Variants in MACROD2 observed in about 807,000 individuals in gnomAD.
MACROD2 encodes the protein ADP-ribose glycohydrolase MACROD2.
MACROD2 carries 36 observed loss-of-function variants against 70.4 expected under a neutral mutation model. The observed-to-expected ratio is 0.51, with a 90% CI of 0.39 to 0.68. The LOEUF (loss-of-function observed/expected upper bound fraction) is 0.68, where lower values mean the gene tolerates loss of function less well. MACROD2 is among the 30% of genes least tolerant of loss of function. MACROD2 has a pLI of 0.00. For missense variants in MACROD2, 496 were observed against 538.4 expected (o/e 0.92, Z 0.78); for synonymous variants, 172 against 178.8 (o/e 0.96, Z 0.30).
chr20:15,070,600 C>A (rs573578293), intron 5 of MACROD2, among the ~76,000 whole-genome samples: 2 of 152,234 alleles, frequency 1.3e-5, no homozygotes, highest in South Asian at 2.1e-4. Flanking sequence ...GCAAGAGTTA[C>A]TTGTTTAAAA....
rs1328136702 is a variant in MACROD2, at chr20:15,842,724, A to AGATAGATAGATG, written c.646-20010_646-20009insGGATAGATAGAT. 5.4e-3 allele frequency among the ~76,000 whole-genome samples: 194 copies of AGATAGATAGATG among 35,696 alleles called. 1 individual carries two copies. Among genetic ancestry groups the AGATAGATAGATG allele is most frequent in the African/African-American group, 0.034 (184 of 5,432 alleles). 23.4% of individuals were successfully genotyped at this position (35,696 alleles called of 152,430 possible). The stretch of plus-strand genomic sequence containing the variant: ...GGGGTGGGTGGATGGATAGATAGAT[A>AGATAGATAGATG]GATAGATAGATAGATAGATAGAGAA... On this transcript the variant is annotated intron_variant, in intron 8 of 17. Transcript: ENST00000684519.
At chr20:14,306,720 A>G (rs753065332) in intron 3 of MACROD2, among the ~76,000 whole-genome samples, 1 of 152,052 alleles carries the variant, frequency 6.6e-6, no homozygotes, top group Non-Finnish European at 1.5e-5. Context: ...CTAGGATCTT[A>G]AAAATAGAGA....
intron 3 of MACROD2, among the ~76,000 whole-genome samples, chr20:14,307,078 T>C (rs1209593272): frequency 6.6e-6 from 1 of 151,818 alleles, no homozygotes; most frequent in Non-Finnish European, 1.5e-5. Context: ...ATGAATTTTA[T>C]TAGTCAGAGA....
chr20:14,277,507 G>A (rs2082269946), intron 3 of MACROD2, among the ~76,000 whole-genome samples: 1 of 152,048 alleles, frequency 6.6e-6, no homozygotes, highest in Non-Finnish European at 1.5e-5. Context: ...TTTACTTGAT[G>A]GTTTAAAGGT....
intron 3 of MACROD2, among the ~76,000 whole-genome samples, chr20:14,409,314 A>C (rs2083724450): frequency 6.6e-6 from 1 of 152,038 alleles, no homozygotes; most frequent in Admixed American, 6.6e-5. Flanking sequence ...TGGTATCCCT[A>C]CAACTGTACT....
At chr20:14,428,041 G>A (rs996896295) in intron 3 of MACROD2, among the ~76,000 whole-genome samples, 1 of 152,220 alleles carries the variant, frequency 6.6e-6, no homozygotes. Context: ...TATTGAAAAT[G>A]TTAGTAAAAT....
intron 8 of MACROD2, among the ~76,000 whole-genome samples, chr20:15,724,014 A>G (rs181023758): frequency 8.0e-4 from 122 of 152,206 alleles, no homozygotes; most frequent in African/African-American, 2.7e-3. Context: ...ATTTTATTTC[A>G]TATTTACCTG....
At chr20:16,044,741 G>GC in intron 17 of MACROD2, 102 bp downstream of exon 17, 1 of 1,015,812 alleles carries the variant, frequency 9.8e-7, no homozygotes, top group Non-Finnish European at 1.5e-6. Flanking sequence ...AGTCCCCACA[G>GC]CATGGCTTGG....
At chr20:15,793,584 A>G (rs1016055867) in intron 8 of MACROD2, among the ~76,000 whole-genome samples, 13 of 151,942 alleles carry the variant, frequency 8.6e-5, no homozygotes, top group African/African-American at 2.9e-4. Flanking sequence ...ATTCTACCAA[A>G]TAAGATCAAA....
At chr20:14,172,268 G>T (rs1432910672) in intron 3 of MACROD2, among the ~76,000 whole-genome samples, 2 of 145,372 alleles carry the variant, frequency 1.4e-5, no homozygotes, top group African/African-American at 5.1e-5. Context: ...CAGATAGTTA[G>T]TTGGTGAGTT....
intron 3 of MACROD2, among the ~76,000 whole-genome samples, chr20:14,338,562 G>T (rs2082977635): frequency 6.6e-6 from 1 of 151,960 alleles, no homozygotes; most frequent in Admixed American, 6.6e-5. Flanking sequence ...ATTTAAAATG[G>T]ATTATTTATA....
chr20:14,715,177 T>A (rs773044186), intron 5 of MACROD2, among the ~76,000 whole-genome samples: 1 of 152,126 alleles, frequency 6.6e-6, no homozygotes, highest in African/African-American at 2.4e-5. Context: ...GCAAGAAGAA[T>A]GAGAGCTGAG....
intron 4 of MACROD2, among the ~76,000 whole-genome samples, chr20:14,571,959 A>G (rs925132028): frequency 6.6e-6 from 1 of 152,086 alleles, no homozygotes; most frequent in African/African-American, 2.4e-5. Flanking sequence ...GAAAAAGAAG[A>G]AAAAGGCTAT....
At chr20:15,142,300 G>T (rs1406690640) in intron 5 of MACROD2, among the ~76,000 whole-genome samples, 1 of 152,056 alleles carries the variant, frequency 6.6e-6, no homozygotes, top group African/African-American at 2.4e-5. Flanking sequence ...GAGGATCAAA[G>T]GTTTTTGATA....
intron 8 of MACROD2, among the ~76,000 whole-genome samples, chr20:15,616,008 G>C (rs1259420448): frequency 6.6e-6 from 1 of 151,910 alleles, no homozygotes; most frequent in Non-Finnish European, 1.5e-5. Context: ...GTGGAAAGCT[G>C]GTATTTGTTA....
At chr20:15,584,373 A>T (rs1470564180) in intron 8 of MACROD2, among the ~76,000 whole-genome samples, 1 of 152,156 alleles carries the variant, frequency 6.6e-6, no homozygotes, top group East Asian at 1.9e-4. Context: ...CCAGCTTAAC[A>T]CTTGAGTTAT....
chr20:15,801,234 G>A (rs937463776), intron 8 of MACROD2, among the ~76,000 whole-genome samples: 76 of 150,306 alleles, frequency 5.1e-4, no homozygotes, highest in African/African-American at 1.7e-3. Flanking sequence ...ACAAAAACTG[G>A]ACAGTGGATG....
chr20:14,635,231 T>G (rs1158882173), intron 4 of MACROD2, among the ~76,000 whole-genome samples: 2 of 152,218 alleles, frequency 1.3e-5, no homozygotes, highest in East Asian at 3.9e-4. Context: ...ACTCTGGCAT[T>G]GTCCTAGTAT....
chr20:15,248,207 TC>T (rs1335149072), intron 6 of MACROD2, among the ~76,000 whole-genome samples: 1 of 152,170 alleles, frequency 6.6e-6, no homozygotes, highest in African/African-American at 2.4e-5. Context: ...CCAGGGCATG[TC>T]TTTTCCAAAC....
Sources: allele counts gnomAD v4.1 joint callset (sites outside exome capture counted in the v4.1 genomes callset), GRCh38; gene constraint gnomAD v4.1.1; transcripts MANE v1.5; gene names NCBI Gene and HGNC (gene_info 2026-07-23, HGNC 2026-07-21).